SCML4: variants seen among roughly 807,000 people sequenced by gnomAD.
The protein encoded by SCML4 is Scm polycomb group protein like 4, also known as sex comb on midleg-like protein 4.
SCML4 carries 34 observed loss-of-function variants against 41.1 expected under a neutral mutation model. The observed-to-expected ratio is 0.83, with a 90% CI of 0.63 to 1.10. The LOEUF (loss-of-function observed/expected upper bound fraction) is 1.10. Among genes scored for constraint, SCML4 ranks in the 50% least tolerant of loss-of-function variants. The pLI is 0.00. For synonymous variants in SCML4, 214 were observed against 220.9 expected, an observed-to-expected ratio of 0.97 and a Z score of 0.28; for missense variants, 522 against 534.1, an observed-to-expected ratio of 0.98 and a Z score of 0.22.
intron 1 of SCML4, among the ~76,000 whole-genome samples, chr6:107,802,633 A>G (rs1293617845): frequency 2.9e-5 from 4 of 139,978 alleles, no homozygotes; most frequent in South Asian, 4.6e-4. Flanking sequence ...GAAGGAAGGA[A>G]GGAAAGAAAA....
chr6:107,747,623 TTATA>T (rs988667550), intron 3 of SCML4, among the ~76,000 whole-genome samples: 2 of 149,798 alleles, frequency 1.3e-5, no homozygotes, highest in Non-Finnish European at 3.0e-5. Context: ...TTACATAATA[TTATA>T]TATATAAACA....
rs374490240 is a variant in SCML4, at chr6:107,720,798, C to G, written c.878G>C (p.Ser293Thr). ...PAATAGGPRT[S>T]PMSSGGPSAP... ...CGAGGGGCCACCAGAAGACATGGGG[C>G]TAGTGCGGGGACCACCAGCGGTGGC... is the stretch of plus-strand genomic sequence containing the variant. The change falls in exon 6 of 8, where the codon AGC becomes ACC. Residue 293 changes from serine (S) to threonine (T), a missense_variant. Transcript: ENST00000369020. The G allele has an allele frequency of 2.2e-5, 36 of 1,613,962 alleles. No individual in the cohort carries two copies. The African/African-American group carries it at 4.0e-4, about 18-fold the overall frequency.
intron 6 of SCML4, among the ~76,000 whole-genome samples, chr6:107,708,533 T>C (rs939790000): frequency 5.3e-5 from 8 of 152,280 alleles, no homozygotes; most frequent in African/African-American, 1.7e-4. Flanking sequence ...TTCGTTCTTC[T>C]CCACGGTATC....
the SCML4 span, among the ~76,000 whole-genome samples, chr6:107,841,838 C>T: frequency 1.3e-5 from 2 of 152,242 alleles, no homozygotes; most frequent in African/African-American, 4.8e-5. Flanking sequence ...TCCTCCTCTA[C>T]ACACCACTAT....
intron 5 of SCML4, among the ~76,000 whole-genome samples, chr6:107,725,338 T>C (rs12205352): frequency 6.6e-6 from 1 of 152,004 alleles, no homozygotes; most frequent in Non-Finnish European, 1.5e-5. Context: ...GATTTAAAAA[T>C]TTTTTAAAAA....
chr6:107,708,744 T>C (rs1245014527), intron 6 of SCML4, among the ~76,000 whole-genome samples: 2 of 152,156 alleles, frequency 1.3e-5, no homozygotes, highest in African/African-American at 4.8e-5. Flanking sequence ...ATCTGGTCCA[T>C]AGCTGCTTCC....
At chr6:107,759,958 G>T (rs77368796) in intron 2 of SCML4, among the ~76,000 whole-genome samples, 3 of 152,192 alleles carry the variant, frequency 2.0e-5, no homozygotes, top group South Asian at 2.1e-4. Flanking sequence ...CTGCCAACTC[G>T]CACGGGACTC....
At chr6:107,827,260 T>C (rs9480805), upstream of SCML4, among the ~76,000 whole-genome samples, 6,636 of 146,022 alleles carry the variant, frequency 0.045, 493 homozygotes, top group African/African-American at 0.16. Flanking sequence ...ACATTTTTAT[T>C]TAAATATATA....
the SCML4 span, among the ~76,000 whole-genome samples, chr6:107,831,956 G>A: frequency 8.5e-5 from 13 of 152,118 alleles, no homozygotes; most frequent in African/African-American, 2.7e-4. Context: ...CTAGCTACTC[G>A]GGAGGCTGAG....
At chr6:107,720,668 A>G in intron 6 of SCML4, 35 bp downstream of exon 6, 1 of 1,504,260 alleles carries the variant, frequency 6.6e-7, no homozygotes, top group Non-Finnish European at 8.9e-7. Context: ...AAGGGATGTT[A>G]AGTCAGTGGG....
chr6:107,797,819 T>A (rs543013200), intron 1 of SCML4, among the ~76,000 whole-genome samples: 4 of 151,802 alleles, frequency 2.6e-5, no homozygotes, highest in Non-Finnish European at 4.4e-5. Context: ...TCCTAAGAGG[T>A]TTTTTTAATC....
chr6:107,723,718 C>T (rs1049427536), intron 5 of SCML4, among the ~76,000 whole-genome samples: 2 of 152,116 alleles, frequency 1.3e-5, no homozygotes, highest in Non-Finnish European at 2.9e-5. Flanking sequence ...TTCTACCAAA[C>T]ATTTAAAGAA....
intron 5 of SCML4, among the ~76,000 whole-genome samples, chr6:107,721,364 G>A (rs1003268424): frequency 6.6e-6 from 1 of 152,056 alleles, no homozygotes; most frequent in Non-Finnish European, 1.5e-5. Context: ...TGGAGTTCAA[G>A]ACCAGCCTGG....
chr6:107,812,726 G>A (rs1784246762), intron 1 of SCML4, among the ~76,000 whole-genome samples: 1 of 152,092 alleles, frequency 6.6e-6, no homozygotes, highest in Non-Finnish European at 1.5e-5. Flanking sequence ...TAAAACATGA[G>A]CTCTTCTTGG....
In SCML4 at chr6:107,749,751, G is replaced by A. The variant is rs760946291; in HGVS notation, c.219C>T (p.Pro73=). The stretch of plus-strand genomic sequence containing the variant: ...CGTCCTGAGGGATGGAGCTGAGGTC[G>A]GGCTCTGGGGTACTCCGCGGAGGTG... ...ALSPPRSTPE[P]DLSSIPQDAA... is the part of the protein sequence containing the mutation. The change falls in exon 3 of 8, where the codon CCC becomes CCT. Residue 73 remains proline, a synonymous_variant. Coordinates refer to ENST00000369020, the MANE Select transcript of SCML4 (RefSeq NM_198081.5). The A allele has an allele frequency of 6.2e-6, 10 of 1,614,032 alleles. No individual in the cohort carries two copies. The highest frequency in any genetic ancestry group is 7.6e-6 in the Non-Finnish European group (9 of 1,179,958).
chr6:107,778,222 AATATATATATATATATATATATAT>A (rs1163805768), intron 1 of SCML4, among the ~76,000 whole-genome samples: 115 of 15,478 alleles, frequency 7.4e-3, no homozygotes, highest in African/African-American at 0.013. Flanking sequence ...AAAAAAAAAA[AATATATATATATATATATATATAT>A]ATATATATAT....
rs1773247139 is a variant in SCML4, at chr6:107,702,242, C to T, written c.*2958G>A. On this transcript the variant is annotated 3_prime_UTR_variant, in exon 8 of 8. Transcript: ENST00000369020. ...AATATCATGGCTTCAGCAATCTGTC[C>T]TGCTTAAAGTTTAATGCAAAATGAG... 2.0e-5 allele frequency among the ~76,000 whole-genome samples: 3 copies of T among 152,138 alleles called. No homozygotes were observed. Among genetic ancestry groups the T allele is most frequent in the Admixed American group, 2.0e-4 (3 of 15,278 alleles).
intron 6 of SCML4, among the ~76,000 whole-genome samples, chr6:107,709,259 T>C (rs899403703): frequency 3.3e-5 from 5 of 152,154 alleles, no homozygotes; most frequent in East Asian, 1.9e-4. Context: ...TCCTTCTTAA[T>C]GGAGGGGGAG....
chr6:107,728,273 G>A (rs73762045), intron 5 of SCML4, among the ~76,000 whole-genome samples: 4,116 of 152,276 alleles, frequency 0.027, 191 homozygotes, highest in African/African-American at 0.093. Context: ...ATCGCAAAGT[G>A]TGGGAATGGG....
Sources: gnomAD v4.1 joint callset for allele counts (sites outside exome capture counted in the v4.1 genomes callset) on GRCh38, gnomAD v4.1.1 for gene constraint, MANE v1.5 for transcripts, NCBI Gene and HGNC (gene_info 2026-07-23, HGNC 2026-07-21) for gene names.